PTGER3: variants seen among roughly 807,000 people sequenced by gnomAD.
PTGER3 encodes the protein prostaglandin E2 receptor EP3 subtype.
Under a neutral mutation model 34.7 loss-of-function variants are expected in PTGER3, and 22 were observed. The observed-to-expected ratio is 0.63, with a 90% confidence interval of 0.45 to 0.91. The LOEUF (loss-of-function observed/expected upper bound fraction) is 0.91, where lower values mean the gene tolerates loss of function less well. Among genes scored for constraint, PTGER3 ranks in the 40% least tolerant of loss-of-function variants. The pLI is 0.00. For missense variants in PTGER3, 468 were observed against 519.4 expected (o/e 0.90, Z 0.96); for synonymous variants, 241 against 230.1 (o/e 1.05, Z -0.43).
intron 2 of PTGER3, chr1:71,007,783 C>T (rs1233322613): frequency 5.1e-6 from 5 of 985,044 alleles, no homozygotes; most frequent in Non-Finnish European, 6.0e-6. Flanking sequence ...TTTGCCTAGA[C>T]GTTTGGCTTA....
intron 2 of PTGER3, among the ~76,000 whole-genome samples, chr1:70,990,269 A>C (rs948212270): frequency 6.6e-6 from 1 of 150,620 alleles, no homozygotes; most frequent in Non-Finnish European, 1.5e-5. Flanking sequence ...AGGCAGGAGA[A>C]TCACTTGAAC....
intron 2 of PTGER3, among the ~76,000 whole-genome samples, chr1:70,994,623 A>T (rs1655769639): frequency 6.6e-6 from 1 of 151,868 alleles, no homozygotes; most frequent in Non-Finnish European, 1.5e-5. Flanking sequence ...ACGCCCGGCT[A>T]ATTTTTGTAT....
chr1:70,972,209 G>C (rs1449119280), intron 3 of PTGER3, among the ~76,000 whole-genome samples: 1 of 152,086 alleles, frequency 6.6e-6, no homozygotes, highest in Non-Finnish European at 1.5e-5. Context: ...TGTAGTCCCA[G>C]CTACTTGGGA....
chr1:70,936,487 T>C (rs1649243016), intron 4 of PTGER3, among the ~76,000 whole-genome samples: 1 of 152,100 alleles, frequency 6.6e-6, no homozygotes, highest in South Asian at 2.1e-4. Flanking sequence ...TGTAGTACAA[T>C]TCCAAAAAGT....
At chr1:70,996,511 G>GGCTGAAGTGCAGTGGCGCGGCTC (rs1158133550) in intron 2 of PTGER3, among the ~76,000 whole-genome samples, 2 of 151,942 alleles carry the variant, frequency 1.3e-5, no homozygotes, top group Non-Finnish European at 2.9e-5. Flanking sequence ...CTGTCACCCA[G>GGCTGAAGTGCAGTGGCGCGGCTC]GCTGAAGTGC....
chr1:70,854,910 T>C (rs1019778186), intron 4 of PTGER3, among the ~76,000 whole-genome samples: 7 of 152,124 alleles, frequency 4.6e-5, no homozygotes, highest in African/African-American at 1.4e-4. Context: ...AGAAAAACAG[T>C]ATAGAGTTTC....
chr1:70,971,897 A>G (rs563445395), intron 3 of PTGER3, among the ~76,000 whole-genome samples, 164 bp from the exon 4 acceptor site: 1 of 152,334 alleles, frequency 6.6e-6, no homozygotes, highest in Non-Finnish European at 1.5e-5. Context: ...GATTTAAAAA[A>G]GCAATTGTAG....
At chr1:71,046,579 G>C in intron 1 of PTGER3, 102 bp downstream of exon 1, 1 of 1,372,128 alleles carries the variant, frequency 7.3e-7, no homozygotes, top group Non-Finnish European at 9.7e-7. Flanking sequence ...AGCGCTCTGC[G>C]GTTGCAAACA....
At chr1:70,974,985 TGATA>T (rs1478087008) in intron 2 of PTGER3, among the ~76,000 whole-genome samples, 2 of 152,190 alleles carry the variant, frequency 1.3e-5, no homozygotes, top group Non-Finnish European at 2.9e-5. Context: ...TCTACTCATC[TGATA>T]GATCTCAACT....
chr1:70,973,567 C>T (rs897589251), intron 3 of PTGER3, among the ~76,000 whole-genome samples: 3 of 152,072 alleles, frequency 2.0e-5, no homozygotes, highest in African/African-American at 4.8e-5. Flanking sequence ...GGTTACTGTA[C>T]CTGACATTAC....
rs1286442558 is a variant in PTGER3, at chr1:71,012,484, T to A, written c.898A>T (p.Ile300Leu). 2 of 1,610,508 alleles carry A rather than the reference T, an allele frequency of 1.2e-6. No homozygotes were observed. The highest frequency in any genetic ancestry group is 4.5e-5 in the East Asian group (2 of 44,822). Reference sequence around the variant, plus strand: ...TTGAAGATCATTTTCAACATCATTATCTAAGAAAAGGGGACAAATAATTGT... The same window carrying A: ...TTGAAGATCATTTTCAACATCATTAACTAAGAAAAGGGGACAAATAATTGT... ...VLSVCWSPLLIMMLKMIFNQT... is the reference protein window; with the variant it reads ...VLSVCWSPLLLMMLKMIFNQT... Residue 300 changes from isoleucine to leucine, a missense_variant and splice_region_variant, in exon 2 of 4, where the codon ATA becomes TTA. Physicochemically the swap from Ile to Leu is conservative, Grantham distance 5. Around this residue, in one of 5 missense-constraint regions of PTGER3, gnomAD observed 204 missense variants for 230.8 expected, o/e 0.88. Coordinates refer to ENST00000306666, the MANE Select transcript of PTGER3 (RefSeq NM_198719.2).
intron 2 of PTGER3, among the ~76,000 whole-genome samples, chr1:70,988,153 A>C (rs1655095077): frequency 6.6e-6 from 1 of 152,224 alleles, no homozygotes; most frequent in South Asian, 2.1e-4. Context: ...AATATGAAGT[A>C]ATACAGCAAA....
At chr1:70,952,434 A>G in exon 4 of PTGER3, 1 of 985,588 alleles carries the variant, frequency 1.0e-6, no homozygotes, top group Non-Finnish European at 1.2e-6. Flanking sequence ...CAGTCTAATG[A>G]TGTTGAATTA....
intron 4 of PTGER3, among the ~76,000 whole-genome samples, chr1:70,914,892 T>C (rs902244736): frequency 2.0e-5 from 3 of 151,842 alleles, no homozygotes; most frequent in Admixed American, 6.6e-5. Context: ...GGAATCAAGA[T>C]TAGGAGACCT....
intron 4 of PTGER3, among the ~76,000 whole-genome samples, chr1:70,905,584 T>A (rs552704178): frequency 6.6e-6 from 1 of 152,288 alleles, no homozygotes; most frequent in African/African-American, 2.4e-5. Flanking sequence ...ACTGCCCTGC[T>A]GGATTTCGGA....
chr1:70,916,233 A>G (rs933551649), intron 4 of PTGER3, among the ~76,000 whole-genome samples: 57 of 152,076 alleles, frequency 3.7e-4, no homozygotes, highest in Admixed American at 3.5e-3. Context: ...AAAAAACAAC[A>G]GTTGCTCCTG....
intron 4 of PTGER3, among the ~76,000 whole-genome samples, chr1:70,923,317 T>G (rs904704439): frequency 2.6e-5 from 4 of 152,220 alleles, no homozygotes; most frequent in African/African-American, 7.2e-5. Flanking sequence ...TTAATAGTTA[T>G]AATTGTTATG....
chr1:70,998,649 G>A lies in PTGER3; in HGVS notation c.1077+13656C>T, dbSNP rs543744300. Among the ~76,000 whole-genome samples the A allele has an allele frequency of 7.2e-5, 11 of 152,256 alleles. No individual in the cohort carries two copies. The East Asian group carries it at 1.9e-3, about 27-fold the overall frequency. ...GTGAATCCAAGTACTAAGAGGAAAA[G>A]AATCACTTCCATCCTAATTCAAATT... On this transcript the variant is annotated intron_variant, in intron 2 of 3. Transcript: ENST00000306666.
chr1:70,971,822 A>G, intron 3 of PTGER3, 89 bp from the exon 4 acceptor site: 2 of 842,310 alleles, frequency 2.4e-6, no homozygotes, highest in African/African-American at 1.8e-5. Context: ...GTAAAATATA[A>G]GTAATAAATT....
Sources: allele counts gnomAD v4.1 joint callset (sites outside exome capture counted in the v4.1 genomes callset), GRCh38; gene constraint gnomAD v4.1.1; regional missense constraint gnomAD v4.1.1; transcripts MANE v1.5; gene names NCBI Gene and HGNC (gene_info 2026-07-23, HGNC 2026-07-21).